Variants in SLC1A4 observed in about 807,000 individuals in gnomAD.
The protein encoded by SLC1A4 is solute carrier family 1 member 4.
A neutral mutation model predicts 37.7 loss-of-function variants in SLC1A4; 19 were observed. The ratio of observed to expected loss-of-function variants is 0.50; its 90% CI spans 0.35 to 0.74. The LOEUF (loss-of-function observed/expected upper bound fraction) is 0.74. SLC1A4 is among the 30% of genes least tolerant of loss of function. The probability of loss-of-function intolerance (pLI) is 0.01; values close to 1 mark genes in which losing one functional copy is unlikely to be tolerated. For synonymous variants in SLC1A4, 299 were observed against 309.8 expected, an observed-to-expected ratio of 0.97 and a Z score of 0.37; for missense variants, 570 against 712.9, an observed-to-expected ratio of 0.80 and a Z score of 2.28.
At chr2:64,992,105 C>T (rs967466925) in intron 1 of SLC1A4, among the ~76,000 whole-genome samples, 1 of 152,166 alleles carries the variant, frequency 6.6e-6, no homozygotes, top group Non-Finnish European at 1.5e-5. Context: ...TGTAGGAGGT[C>T]GGTCAGCTCT....
chr2:64,995,411 G>C (rs931809633), intron 1 of SLC1A4, among the ~76,000 whole-genome samples: 3 of 152,190 alleles, frequency 2.0e-5, no homozygotes, highest in African/African-American at 4.8e-5. Flanking sequence ...GGACAGCTGA[G>C]GGCTATTTGA....
At chr2:65,016,993 C>T (rs993171252) in intron 5 of SLC1A4, among the ~76,000 whole-genome samples, 1 of 152,116 alleles carries the variant, frequency 6.6e-6, no homozygotes, top group East Asian at 1.9e-4. Flanking sequence ...TCTGTATTCC[C>T]CTGGGGTGGG....
intron 2 of SLC1A4, among the ~76,000 whole-genome samples, chr2:65,002,221 A>G (rs1673486517): frequency 1.3e-5 from 2 of 150,970 alleles, no homozygotes; most frequent in African/African-American, 4.9e-5. Context: ...TGGAGGTTGC[A>G]GAGAGCCGAG....
At chr2:65,008,027 T>A (rs1448920413) in intron 3 of SLC1A4, among the ~76,000 whole-genome samples, 1 of 152,236 alleles carries the variant, frequency 6.6e-6, no homozygotes, top group Non-Finnish European at 1.5e-5. Flanking sequence ...CTACTCTTTG[T>A]CTTCATGAGA....
In SLC1A4 at chr2:65,001,445, C is replaced by T. The variant is rs1206199466; in HGVS notation, c.528-3C>T. The stretch of plus-strand genomic sequence containing the variant: ...ACTGACAGAATGCTTTCTTTTCCAA[C>T]AGAAACCTGTTTCCCTCCAATCTTG... On this transcript the variant is annotated splice_polypyrimidine_tract_variant and splice_region_variant and intron_variant, in intron 1 of 7. Coordinates refer to ENST00000234256, the MANE Select transcript of SLC1A4 (RefSeq NM_003038.5). The T allele has an allele frequency of 6.2e-7, 1 of 1,613,682 alleles. No individual in the cohort carries two copies. Among genetic ancestry groups the T allele is most frequent in the Non-Finnish European group, 8.5e-7 (1 of 1,179,624 alleles).
chr2:64,997,896 G>T (rs1324076377), intron 1 of SLC1A4, among the ~76,000 whole-genome samples: 2 of 151,996 alleles, frequency 1.3e-5, no homozygotes, highest in African/African-American at 4.8e-5. Flanking sequence ...GAGGTCAGGA[G>T]TTTGAGACCA....
intron 3 of SLC1A4, 100 bp downstream of exon 3, chr2:65,004,115 T>A: frequency 1.0e-6 from 1 of 953,624 alleles, no homozygotes; most frequent in Non-Finnish European, 1.7e-6. Flanking sequence ...ACTTTGAGGT[T>A]TGAATGGGCT....
chr2:65,009,908 A>C (rs984373389), intron 3 of SLC1A4, among the ~76,000 whole-genome samples: 2 of 152,034 alleles, frequency 1.3e-5, no homozygotes, highest in African/African-American at 4.8e-5. Flanking sequence ...TCAAAGTTAC[A>C]GTCACTGATT....
At chr2:64,998,755 T>C (rs1335965695) in intron 1 of SLC1A4, among the ~76,000 whole-genome samples, 8 of 152,168 alleles carry the variant, frequency 5.3e-5, no homozygotes. Flanking sequence ...ACAAATAGTG[T>C]TGTGCTCTTT....
chr2:64,998,731 A>G (rs1273330535), intron 1 of SLC1A4, among the ~76,000 whole-genome samples: 1 of 152,218 alleles, frequency 6.6e-6, no homozygotes, highest in Non-Finnish European at 1.5e-5. Flanking sequence ...GGCAGGACAG[A>G]TAGACAGAAT....
chr2:64,990,586 A>T (rs1049857970), intron 1 of SLC1A4, among the ~76,000 whole-genome samples: 1 of 152,184 alleles, frequency 6.6e-6, no homozygotes, highest in Non-Finnish European at 1.5e-5. Context: ...GCATTGGTTA[A>T]GTTTTGCCTC....
chr2:65,005,436 C>T (rs903422288), intron 3 of SLC1A4, among the ~76,000 whole-genome samples: 1 of 152,220 alleles, frequency 6.6e-6, no homozygotes, highest in Non-Finnish European at 1.5e-5. Context: ...GGCCAGAGGA[C>T]GTGGCTGGAC....
At chr2:65,001,348 G>T in intron 1 of SLC1A4, 100 bp from the exon 2 acceptor site, 1 of 1,053,314 alleles carries the variant, frequency 9.5e-7, no homozygotes, top group Non-Finnish European at 1.5e-6. Context: ...GCTGCAGTGA[G>T]CTGCAATCAC....
At chr2:65,011,557 T>C (rs1474431169) in intron 4 of SLC1A4, 1 of 152,044 alleles carries the variant, frequency 6.6e-6, no homozygotes, top group African/African-American at 2.4e-5. Flanking sequence ...TGTGAGCCAC[T>C]GCGCCTGGCC....
At chr2:65,013,522 G>A (rs1219482760) in intron 4 of SLC1A4, among the ~76,000 whole-genome samples, 4 of 152,106 alleles carry the variant, frequency 2.6e-5, no homozygotes, top group Admixed American at 1.3e-4. Flanking sequence ...GCGCCCGGCC[G>A]GACATTTGCT....
Position 64,989,740 on chromosome 2 carries a change from C to G in SLC1A4, c.97C>G (p.Arg33Gly). 2 of 1,441,574 alleles carry G rather than the reference C, an allele frequency of 1.4e-6. No homozygotes were observed. The highest frequency in any genetic ancestry group is 9.1e-7 in the Non-Finnish European group (1 of 1,103,330). 89.3% of individuals were successfully genotyped at this position (1,441,574 alleles called of 1,614,324 possible). The change falls in exon 1 of 8, where the codon CGG (arginine) becomes GGG (glycine). Residue 33 changes from arginine (R) to glycine (G), a missense_variant. Physicochemically the swap from Arg to Gly is moderately radical, Grantham distance 125. Transcript: ENST00000234256. ...TCCGGGGACCGCGGCGGGACGCGCA[C>G]GGCGTTGCGCGGGCTTCCTGCGGCG... is the stretch of plus-strand genomic sequence containing the variant. Reference protein sequence around the residue: ...GAPGTAAGRARRCAGFLRRQA... With the variant: ...GAPGTAAGRAGRCAGFLRRQA...
chr2:64,988,906 G>C (rs1163507024), upstream of SLC1A4, among the ~76,000 whole-genome samples: 1 of 151,928 alleles, frequency 6.6e-6, no homozygotes, highest in African/African-American at 2.4e-5. Context: ...CCGGGAGAGA[G>C]GGATCCTCCC....
At chr2:64,996,131 G>A (rs961707928) in intron 1 of SLC1A4, among the ~76,000 whole-genome samples, 36 of 152,202 alleles carry the variant, frequency 2.4e-4, no homozygotes, top group East Asian at 3.9e-4. Flanking sequence ...GGTTTCACAC[G>A]TTTTTAATTT....
chr2:65,004,277 G>A (rs1391298514), intron 3 of SLC1A4, among the ~76,000 whole-genome samples: 2 of 152,108 alleles, frequency 1.3e-5, no homozygotes, highest in African/African-American at 4.8e-5. Context: ...GTTTGAAACA[G>A]GGTCTCGCTC....
Sources: gnomAD v4.1 joint callset for allele counts (sites outside exome capture counted in the v4.1 genomes callset) on GRCh38, gnomAD v4.1.1 for gene constraint, MANE v1.5 for transcripts, NCBI Gene and HGNC (gene_info 2026-07-23, HGNC 2026-07-21) for gene names.